SLC24A2: variants seen among roughly 807,000 people sequenced by gnomAD.
SLC24A2 encodes solute carrier family 24 member 2.
SLC24A2 carries 36 observed loss-of-function variants against 62.0 expected under a neutral mutation model. That is an observed-to-expected ratio of 0.58 (90% confidence interval 0.44 to 0.77). The LOEUF is 0.77. Among genes scored for constraint, SLC24A2 ranks in the 30% least tolerant of loss-of-function variants. SLC24A2 has a pLI of 0.00. For synonymous variants in SLC24A2, 358 were observed against 294.0 expected (o/e 1.22, Z -2.23); for missense variants, 846 against 817.9 (o/e 1.03, Z -0.42).
At chr9:19,922,242 G>T in the SLC24A2 span, among the ~76,000 whole-genome samples, 1 of 152,088 alleles carries the variant, frequency 6.6e-6, no homozygotes, top group Non-Finnish European at 1.5e-5. Context: ...TAGCTTCAGG[G>T]AATTCTATTT....
intron 2 of SLC24A2, among the ~76,000 whole-genome samples, chr9:19,683,409 C>T (rs757098438): frequency 6.6e-6 from 1 of 152,020 alleles, no homozygotes; most frequent in Non-Finnish European, 1.5e-5. Context: ...TGGAGGAGCT[C>T]ATTGTCTTTA....
chr9:20,256,222 G>T, the SLC24A2 span, among the ~76,000 whole-genome samples: 6 of 152,174 alleles, frequency 3.9e-5, no homozygotes, highest in Admixed American at 6.5e-5. Context: ...GGGGAGACAC[G>T]TTTAAACCAT....
intron 2 of SLC24A2, among the ~76,000 whole-genome samples, chr9:19,722,099 T>C (rs889646740): frequency 1.3e-5 from 2 of 152,150 alleles, no homozygotes; most frequent in African/African-American, 4.8e-5. Context: ...TTTTCGTACA[T>C]GTTACTTCCA....
the SLC24A2 span, among the ~76,000 whole-genome samples, chr9:19,951,712 C>T: frequency 3.3e-5 from 5 of 152,054 alleles, no homozygotes; most frequent in East Asian, 9.6e-4. Context: ...ATACTTAAAA[C>T]AATATCACAG....
the SLC24A2 span, among the ~76,000 whole-genome samples, chr9:20,269,045 A>T: frequency 1.3e-5 from 2 of 152,186 alleles, no homozygotes; most frequent in African/African-American, 2.4e-5. Flanking sequence ...GCAGTTAAGG[A>T]TGCAATATTT....
the SLC24A2 span, among the ~76,000 whole-genome samples, chr9:20,265,742 C>T: frequency 5.7e-5 from 8 of 140,986 alleles, 1 homozygote; most frequent in African/African-American, 1.1e-4. Flanking sequence ...AAACTCTGGC[C>T]GCCGGTGAGC....
chr9:19,931,662 T>C, the SLC24A2 span, among the ~76,000 whole-genome samples: 1 of 152,146 alleles, frequency 6.6e-6, no homozygotes, highest in African/African-American at 2.4e-5. Flanking sequence ...TGACTAAACA[T>C]TTTGGTTTGC....
At chr9:20,283,920 G>C in the SLC24A2 span, among the ~76,000 whole-genome samples, 2 of 152,026 alleles carry the variant, frequency 1.3e-5, no homozygotes, top group African/African-American at 4.8e-5. Context: ...TCCTTTTTCC[G>C]GTGGCATGTG....
intron 5 of SLC24A2, among the ~76,000 whole-genome samples, chr9:19,578,867 GGTC>G (rs1836118134): frequency 6.6e-6 from 1 of 152,098 alleles, no homozygotes; most frequent in Non-Finnish European, 1.5e-5. Context: ...TCACAAGCCT[GGTC>G]TCTTTGCCAC....
the SLC24A2 span, among the ~76,000 whole-genome samples, chr9:20,176,821 C>G: frequency 1.6e-3 from 244 of 152,154 alleles, 4 homozygotes; most frequent in South Asian, 0.024. Flanking sequence ...GAAAAATCTG[C>G]AAATAAGCCT....
chr9:19,983,592 C>A, the SLC24A2 span, among the ~76,000 whole-genome samples: 1 of 152,028 alleles, frequency 6.6e-6, no homozygotes, highest in South Asian at 2.1e-4. Context: ...GTAAGTGAGC[C>A]AAGATCGCAC....
the SLC24A2 span, among the ~76,000 whole-genome samples, chr9:19,891,198 T>C: frequency 6.6e-6 from 1 of 152,188 alleles, no homozygotes; most frequent in Non-Finnish European, 1.5e-5. Flanking sequence ...GTCTCTTCTT[T>C]TCTTCAGTCT....
chr9:19,686,107 A>C (rs1203033906), intron 2 of SLC24A2, among the ~76,000 whole-genome samples: 3 of 152,182 alleles, frequency 2.0e-5, no homozygotes, highest in Non-Finnish European at 4.4e-5. Context: ...AAAGGACATG[A>C]ACAGACACTT....
chr9:19,914,949 AAAAG>A, the SLC24A2 span, among the ~76,000 whole-genome samples: 3 of 152,168 alleles, frequency 2.0e-5, no homozygotes, highest in Non-Finnish European at 4.4e-5. Context: ...TAATTTAAAA[AAAAG>A]ATTGATATAA....
chr9:19,769,444 T>G (rs1822617791), intron 2 of SLC24A2, among the ~76,000 whole-genome samples: 1 of 152,246 alleles, frequency 6.6e-6, no homozygotes, highest in African/African-American at 2.4e-5. Context: ...CCACTGTCTC[T>G]AACATGAGTC....
chr9:19,730,993 T>C (rs77981200), intron 2 of SLC24A2, among the ~76,000 whole-genome samples: 3,149 of 152,260 alleles, frequency 0.021, 114 homozygotes, highest in African/African-American at 0.071. Context: ...TTTTGCTTCA[T>C]AGTCCATTTG....
chr9:20,191,895 A>G, the SLC24A2 span, among the ~76,000 whole-genome samples: 1 of 152,154 alleles, frequency 6.6e-6, no homozygotes, highest in African/African-American at 2.4e-5. Context: ...ACACATGTTT[A>G]TGAACAGTTC....
At chr9:20,147,323 A>T in the SLC24A2 span, among the ~76,000 whole-genome samples, 3 of 152,184 alleles carry the variant, frequency 2.0e-5, no homozygotes, top group Non-Finnish European at 2.9e-5. Context: ...TCTGCTAAAC[A>T]TGTAAAAAAG....
At chr9:19,716,822 G>T (rs1442270596) in intron 2 of SLC24A2, among the ~76,000 whole-genome samples, 1 of 151,740 alleles carries the variant, frequency 6.6e-6, no homozygotes, top group African/African-American at 2.4e-5. Flanking sequence ...TCTTTCTTTT[G>T]TCTTGGCCAT....
Sources: gnomAD v4.1 joint callset for allele counts (sites outside exome capture counted in the v4.1 genomes callset) on GRCh38, gnomAD v4.1.1 for gene constraint, MANE v1.5 for transcripts, NCBI Gene and HGNC (gene_info 2026-07-23, HGNC 2026-07-21) for gene names.